Variants in NCOA2 observed in about 807,000 individuals in gnomAD.
NCOA2 encodes nuclear receptor coactivator 2, also known as class E basic helix-loop-helix protein 75.
NCOA2 carries 21 observed loss-of-function variants against 145.1 expected under a neutral mutation model. That is an observed-to-expected ratio of 0.14 (90% CI 0.10 to 0.21). NCOA2 has a LOEUF of 0.21. NCOA2 is among the 10% of genes least tolerant of loss of function. NCOA2 has a pLI of 1.00. For synonymous variants in NCOA2, 619 were observed against 637.5 expected (o/e 0.97, Z 0.44); for missense variants, 1,472 against 1,837.6 (o/e 0.80, Z 3.64).
chr8:70,374,471 CAAAAAAAAAA>C (rs755097636), intron 1 of NCOA2, among the ~76,000 whole-genome samples: 1 of 96,752 alleles, frequency 1.0e-5, no homozygotes. Flanking sequence ...GACTCTGTCT[CAAAAAAAAAA>C]AAAAAGAAAA....
At chr8:70,354,614 T>A (rs988237558) in intron 1 of NCOA2, among the ~76,000 whole-genome samples, 4 of 152,206 alleles carry the variant, frequency 2.6e-5, no homozygotes, top group Non-Finnish European at 5.9e-5. Context: ...TGGCCCTTCA[T>A]CTCTGAAGAA....
At chr8:70,208,841 C>T (rs1818733358) in intron 4 of NCOA2, among the ~76,000 whole-genome samples, 1 of 152,208 alleles carries the variant, frequency 6.6e-6, no homozygotes, top group Admixed American at 6.5e-5. Flanking sequence ...GACCCAGTCA[C>T]CCAAGAGCTG....
intron 1 of NCOA2, among the ~76,000 whole-genome samples, chr8:70,383,227 G>A (rs1021294271): frequency 3.3e-5 from 5 of 152,142 alleles, no homozygotes; most frequent in African/African-American, 9.6e-5. Context: ...CTGTGTTATC[G>A]CCTGTGTGAA....
chr8:70,255,014 A>G (rs1823519329), intron 2 of NCOA2, among the ~76,000 whole-genome samples: 1 of 152,190 alleles, frequency 6.6e-6, no homozygotes, highest in South Asian at 2.1e-4. Context: ...CCAAATTAGG[A>G]AAGACTTTGA....
In NCOA2 at chr8:70,232,870, T is replaced by TACACACACACACACACACACACACACAC. The variant is rs71275059; in HGVS notation, c.-19-16107_-19-16106insGTGTGTGTGTGTGTGTGTGTGTGTGTGT. Among the ~76,000 whole-genome samples, 248 of 145,320 alleles carry TACACACACACACACACACACACACACAC rather than the reference T, an allele frequency of 1.7e-3. 1 individual carries two copies. The highest frequency in any genetic ancestry group is 5.6e-3 in the African/African-American group (215 of 38,404). On this transcript the variant is annotated intron_variant, in intron 2 of 22. Transcript: ENST00000452400. ...ACTGGGGACCATATGATTTAGAATTTACACACACACACACACACACACGTG... is the reference window on the plus strand; with the variant it reads ...ACTGGGGACCATATGATTTAGAATTTACACACACACACACACACACACACACACACACACACACACACACACACACGTG...
chr8:70,161,178 G>A (rs28742195), intron 9 of NCOA2, among the ~76,000 whole-genome samples: 2 of 152,128 alleles, frequency 1.3e-5, no homozygotes, highest in African/African-American at 4.8e-5. Flanking sequence ...ATGTCTATAC[G>A]GGGTTTCCTT....
chr8:70,278,843 G>A (rs935680949), intron 2 of NCOA2, among the ~76,000 whole-genome samples: 3 of 151,920 alleles, frequency 2.0e-5, no homozygotes, highest in Non-Finnish European at 4.4e-5. Context: ...GTGTGCACCT[G>A]TAATCCCAGC....
intron 2 of NCOA2, among the ~76,000 whole-genome samples, chr8:70,289,596 G>A (rs1826509474): frequency 6.6e-6 from 1 of 151,836 alleles, no homozygotes; most frequent in Non-Finnish European, 1.5e-5. Context: ...ACTTCTGCTT[G>A]TAAAATTTAT....
At chr8:70,425,723 G>T in the NCOA2 span, among the ~76,000 whole-genome samples, 1 of 152,120 alleles carries the variant, frequency 6.6e-6, no homozygotes, top group Non-Finnish European at 1.5e-5. Context: ...CACCTGGGTG[G>T]TGTCTTTAAT....
intron 1 of NCOA2, among the ~76,000 whole-genome samples, chr8:70,348,707 G>C (rs1284537614): frequency 6.6e-6 from 1 of 152,166 alleles, no homozygotes; most frequent in African/African-American, 2.4e-5. Context: ...TTTTGAGCCT[G>C]GGTGAGTGGC....
In NCOA2 at chr8:70,370,559, A is replaced by G. The variant is rs1485869682; in HGVS notation, c.-77+33141T>C. 2.0e-5 allele frequency among the ~76,000 whole-genome samples: 3 copies of G among 152,194 alleles called. No individual in the cohort carries two copies. The East Asian group carries it at 5.8e-4, about 29-fold the overall frequency. ...ATTTAACTATGACTGTGTCTCAGCCATGACTGCTTCACCTGGATATGTTCT... is the reference window on the plus strand; with the variant it reads ...ATTTAACTATGACTGTGTCTCAGCCGTGACTGCTTCACCTGGATATGTTCT... On this transcript the variant is annotated intron_variant, in intron 1 of 22. Transcript: ENST00000452400.
At chr8:70,157,402 C>T (rs1316833774) in intron 10 of NCOA2, among the ~76,000 whole-genome samples, 162 bp from the exon 11 acceptor site, 2 of 152,196 alleles carry the variant, frequency 1.3e-5, no homozygotes, top group African/African-American at 4.8e-5. Context: ...ATTGACAAGA[C>T]TGAACATGTA....
At chr8:70,335,951 C>A (rs1226761186) in intron 1 of NCOA2, among the ~76,000 whole-genome samples, 1 of 152,022 alleles carries the variant, frequency 6.6e-6, no homozygotes, top group Admixed American at 6.6e-5. Flanking sequence ...AAAGAAAAGA[C>A]ACAGTAAAAA....
At chr8:70,334,442 C>T (rs901802536) in intron 1 of NCOA2, among the ~76,000 whole-genome samples, 8 of 152,240 alleles carry the variant, frequency 5.3e-5, no homozygotes, top group African/African-American at 1.2e-4. Flanking sequence ...TTCAAAGTTC[C>T]GCTCCTACTT....
At chr8:70,440,671 GAGAAAGAA>G in the NCOA2 span, among the ~76,000 whole-genome samples, 3 of 146,000 alleles carry the variant, frequency 2.1e-5, no homozygotes, top group African/African-American at 7.6e-5. Context: ...GAGGGAGAGA[GAGAAAGAA>G]AGAAAGAGAG....
chr8:70,403,908 A>T, upstream of NCOA2: 2 of 371,616 alleles, frequency 5.4e-6, no homozygotes, highest in South Asian at 2.7e-4. Flanking sequence ...AGAGACAGAC[A>T]GCGCGAGCTC....
chr8:70,235,218 C>T (rs1009474381), intron 2 of NCOA2, among the ~76,000 whole-genome samples: 3 of 152,050 alleles, frequency 2.0e-5, no homozygotes, highest in African/African-American at 7.2e-5. Flanking sequence ...AATGATTTCA[C>T]TAATATGAGG....
chr8:70,230,948 T>G (rs1008402993), intron 2 of NCOA2, among the ~76,000 whole-genome samples: 7 of 152,242 alleles, frequency 4.6e-5, no homozygotes, highest in Non-Finnish European at 1.0e-4. Flanking sequence ...AATGGCTCTG[T>G]GATATCCCAT....
intron 5 of NCOA2, among the ~76,000 whole-genome samples, chr8:70,171,491 G>A (rs1239746280): frequency 6.6e-6 from 1 of 151,964 alleles, no homozygotes; most frequent in Admixed American, 6.6e-5. Context: ...AAATGTTGGG[G>A]GTTTAGTTTC....
Sources: gnomAD v4.1 joint callset for allele counts (sites outside exome capture counted in the v4.1 genomes callset) on GRCh38, gnomAD v4.1.1 for gene constraint, MANE v1.5 for transcripts, NCBI Gene and HGNC (gene_info 2026-07-23, HGNC 2026-07-21) for gene names.